LRSAM1: variants seen among roughly 807,000 people sequenced by gnomAD.
LRSAM1 encodes the protein E3 ubiquitin-protein ligase LRSAM1.
In LRSAM1, 96 loss-of-function variants were observed where a neutral mutation model predicts 118.1. The observed-to-expected ratio is 0.81, with a 90% CI of 0.69 to 0.96. The LOEUF is 0.96. Ranked by LOEUF, LRSAM1 falls within the 40% of genes least tolerant of loss-of-function variation. LRSAM1 has a pLI of 0.00. For synonymous variants in LRSAM1, 322 were observed against 364.2 expected (o/e 0.88, Z 1.32); for missense variants, 804 against 915.5 (o/e 0.88, Z 1.57).
chr9:127,455,477 T>TGC (rs1564249176), intron 4 of LRSAM1, 99 bp from the exon 5 acceptor site: 2 of 1,270,978 alleles, frequency 1.6e-6, no homozygotes, highest in Admixed American at 3.4e-5. Context: ...TTGCCCTTGT[T>TGC]CACCTCCTGC....
chr9:127,488,097 G>A (rs899049936), intron 18 of LRSAM1, among the ~76,000 whole-genome samples: 9 of 152,094 alleles, frequency 5.9e-5, no homozygotes, highest in Admixed American at 1.3e-4. Flanking sequence ...CACAGAGGAC[G>A]CTGTGGGACC....
intron 19 of LRSAM1, 64 bp from the exon 20 acceptor site, chr9:127,491,151 G>A: frequency 2.9e-6 from 4 of 1,373,324 alleles, no homozygotes; most frequent in Non-Finnish European, 4.2e-6. Flanking sequence ...CCAGAGAGTA[G>A]CAGCACAAAA....
intron 22 of LRSAM1, 80 bp from the exon 23 acceptor site, chr9:127,495,884 A>G (rs1836116219): frequency 6.4e-7 from 1 of 1,568,596 alleles, no homozygotes; most frequent in Non-Finnish European, 8.6e-7. Flanking sequence ...TGTTATAAAT[A>G]TTCAAACCCT....
intron 9 of LRSAM1, among the ~76,000 whole-genome samples, chr9:127,463,198 C>CA (rs35181083): frequency 0.16 from 15,477 of 98,548 alleles, 1,256 homozygotes; most frequent in Admixed American, 0.3. Context: ...GACTTTGTCT[C>CA]AAAAAAAAAA....
chr9:127,489,363 G>C, intron 18 of LRSAM1, 81 bp from the exon 19 acceptor site: 1 of 1,506,296 alleles, frequency 6.6e-7, no homozygotes, highest in Non-Finnish European at 9.0e-7. Flanking sequence ...TTTGTACACA[G>C]CTTTTGCTTT....
At chr9:127,477,191 C>T (rs531890652) in intron 11 of LRSAM1, among the ~76,000 whole-genome samples, 5 of 152,130 alleles carry the variant, frequency 3.3e-5, no homozygotes, top group African/African-American at 1.2e-4. Context: ...CTGATAATGA[C>T]AGTTACACCT....
chr9:127,462,309 T>G lies in LRSAM1; in HGVS notation c.464T>G (p.Leu155Arg). Residue 155 changes from leucine (L) to arginine (R), a missense_variant, in exon 9 of 26, where the codon CTC becomes CGC. By Grantham distance (102) the Leu-to-Arg change is moderately radical (BLOSUM62 -2). Transcript: ENST00000300417. ...GGGGAGCTTCGAAGCCTGCGTACCC[T>G]CAACATCAGTGGAAACGAGATCCAG... ...TVGELRSLRT[L>R]NISGNEIQRL... 1 of 1,614,006 alleles carries G rather than the reference T, an allele frequency of 6.2e-7. No individual in the cohort carries two copies. Among genetic ancestry groups the G allele is most frequent in the South Asian group, 1.1e-5 (1 of 91,070 alleles).
At chr9:127,493,720 CCT>C (rs1306680134) in intron 21 of LRSAM1, among the ~76,000 whole-genome samples, 12 of 152,150 alleles carry the variant, frequency 7.9e-5, no homozygotes, top group Admixed American at 6.5e-4. Flanking sequence ...GTCCCTGTCC[CCT>C]GATGGGTTTG....
intron 5 of LRSAM1, 131 bp downstream of exon 5, chr9:127,455,751 G>A: frequency 1.1e-6 from 1 of 869,668 alleles, no homozygotes; most frequent in East Asian, 2.5e-5. Context: ...CTCTTGGCCT[G>A]CAGCAGGTGT....
rs1208271664 is a variant in LRSAM1 at position 127,495,432 on chromosome 9, G to A, written c.1698+14G>A. On this transcript the variant is annotated intron_variant, in intron 22 of 25. Transcript: ENST00000300417. ...TTGAAGCTGCAAGTAAGGACTGCTG[G>A]TGCCTGTCCCGGCCAGGGAGCCCTG... is the stretch of plus-strand genomic sequence containing the variant. The A allele has an allele frequency of 1.9e-6, 3 of 1,611,376 alleles. No individual in the cohort carries two copies. The highest frequency in any genetic ancestry group is 1.7e-6 in the Non-Finnish European group (2 of 1,178,268).
At chr9:127,469,930 A>G (rs945572602) in intron 10 of LRSAM1, among the ~76,000 whole-genome samples, 4 of 152,134 alleles carry the variant, frequency 2.6e-5, no homozygotes, top group East Asian at 1.9e-4. Flanking sequence ...GCGCCACTGC[A>G]CTCCAGCCTG....
In LRSAM1 at chr9:127,455,238, C is replaced by T. The variant is rs142325014; in HGVS notation, c.129+184C>T. 2.9e-4 allele frequency among the ~76,000 whole-genome samples: 44 copies of T among 151,960 alleles called. No individual in the cohort carries two copies. The East Asian group carries it at 7.7e-3, about 27-fold the overall frequency. ...AGATGATCCTTTGGCCTCAATATAA[C>T]GTAGTCTCCAAGAGTCAAGGAGTCT... On this transcript the variant is annotated intron_variant, in intron 4 of 25. Coordinates refer to ENST00000300417, the MANE Select transcript of LRSAM1 (RefSeq NM_001005373.4).
intron 14 of LRSAM1, among the ~76,000 whole-genome samples, chr9:127,480,517 A>C (rs560113463): frequency 5.8e-4 from 88 of 152,138 alleles, no homozygotes; most frequent in Non-Finnish European, 1.8e-4. Flanking sequence ...TGCCACTTCC[A>C]GGCCTCTTTT....
chr9:127,468,819 A>AC (rs1035563866), intron 10 of LRSAM1, among the ~76,000 whole-genome samples: 2 of 140,704 alleles, frequency 1.4e-5, no homozygotes, highest in African/African-American at 5.6e-5. Context: ...ACAAAAAAAA[A>AC]AAAAAAAAAA....
chr9:127,503,500 C>T (rs1836477195), downstream of LRSAM1: 1 of 153,860 alleles, frequency 6.5e-6, no homozygotes, highest in Admixed American at 6.4e-5. Context: ...CTTCAGTGCG[C>T]TTCTGGCCTG....
chr9:127,463,302 C>G (rs564438459), intron 9 of LRSAM1, among the ~76,000 whole-genome samples: 18 of 151,106 alleles, frequency 1.2e-4, no homozygotes, highest in African/African-American at 3.6e-4. Context: ...CAGGGAGGGT[C>G]GAGGAAGTGA....
rs1030470391 is a variant in LRSAM1 at position 127,474,333 on chromosome 9, T to C, written c.750+402T>C. Among the ~76,000 whole-genome samples the C allele has an allele frequency of 2.0e-5, 3 of 151,478 alleles. No homozygotes were observed. In the East Asian group the frequency reaches 5.8e-4, roughly 29 times the overall value. ...CCCAGGCTGGAGTGCAGTGGTGTGA[T>C]CATAGCTCGCTGCAGCCTTAACCTC... On this transcript the variant is annotated intron_variant, in intron 11 of 25. Coordinates refer to ENST00000300417, the MANE Select transcript of LRSAM1 (RefSeq NM_001005373.4).
chr9:127,500,831 C>G (rs1836357241), intron 24 of LRSAM1, among the ~76,000 whole-genome samples, 179 bp from the exon 25 acceptor site: 1 of 152,160 alleles, frequency 6.6e-6, no homozygotes, highest in African/African-American at 2.4e-5. Context: ...GGAAATGAGG[C>G]TCAGAGAAGA....
Position 127,495,393 on chromosome 9 carries a change from A to G in LRSAM1, c.1673A>G (p.Gln558Arg). The G allele has an allele frequency of 6.2e-7, 1 of 1,613,978 alleles. No individual in the cohort carries two copies. The highest frequency in any genetic ancestry group is 8.5e-7 in the Non-Finnish European group (1 of 1,180,010). Reference protein sequence around the residue: ...WLIQYQRLLNQKPLSLKLQEE... With the variant: ...WLIQYQRLLNRKPLSLKLQEE... ...ATTCAGTATCAACGGCTTTTGAACC[A>G]GAAGCCCTTGTCCTTGAAGCTGCAA... The change falls in exon 22 of 26, where the codon CAG becomes CGG. Residue 558 changes from glutamine (Q) to arginine (R), a missense_variant. Coordinates refer to ENST00000300417, the MANE Select transcript of LRSAM1 (RefSeq NM_001005373.4).
Sources: allele counts gnomAD v4.1 joint callset (sites outside exome capture counted in the v4.1 genomes callset), GRCh38; gene constraint gnomAD v4.1.1; transcripts MANE v1.5; gene names NCBI Gene and HGNC (gene_info 2026-07-23, HGNC 2026-07-21).